CES5A: variants seen among roughly 807,000 people sequenced by gnomAD.
CES5A encodes carboxylesterase 5A.
In CES5A, 67 loss-of-function variants were observed where a neutral mutation model predicts 62.9. That is an observed-to-expected ratio of 1.07 (90% CI 0.88 to 1.31). The LOEUF is 1.31. Ranked by LOEUF, CES5A falls within the 50% of genes most tolerant of loss-of-function variation. CES5A has a pLI of 0.00. For synonymous variants in CES5A, 296 were observed against 280.8 expected (o/e 1.05, Z -0.54); for missense variants, 748 against 708.5 (o/e 1.06, Z -0.63).
At chr16:55,877,433 T>C (rs2033710789), upstream of CES5A, among the ~76,000 whole-genome samples, 1 of 144,798 alleles carries the variant, frequency 6.9e-6, no homozygotes, top group Non-Finnish European at 1.5e-5. Context: ...TATATATATA[T>C]GTGTGTGTGT....
intron 8 of CES5A, among the ~76,000 whole-genome samples, 170 bp downstream of exon 8, chr16:55,859,377 C>T (rs569329666): frequency 1.3e-5 from 2 of 152,230 alleles, no homozygotes; most frequent in East Asian, 1.9e-4. Context: ...GTGACTGTCC[C>T]GGTCCTCACT....
intron 1 of CES5A, among the ~76,000 whole-genome samples, chr16:55,950,840 A>T (rs3848306): frequency 1.3e-5 from 2 of 151,602 alleles, no homozygotes; most frequent in Admixed American, 6.6e-5. Flanking sequence ...GGGTGGCTCA[A>T]GCCTGTAATC....
chr16:55,889,279 TCTGACA>T (rs2142431297), intron 1 of CES5A, among the ~76,000 whole-genome samples: 1 of 152,286 alleles, frequency 6.6e-6, no homozygotes, highest in South Asian at 2.1e-4. Context: ...GCAATTCAGT[TCTGACA>T]CTATCTACCT....
chr16:55,864,211 A>T (rs2033410992), intron 5 of CES5A, among the ~76,000 whole-genome samples: 1 of 152,218 alleles, frequency 6.6e-6, no homozygotes, highest in African/African-American at 2.4e-5. Context: ...TTGTTATAAT[A>T]TATGAAAAGT....
chr16:55,906,460 T>C (rs2034040810), intron 1 of CES5A, among the ~76,000 whole-genome samples: 1 of 152,218 alleles, frequency 6.6e-6, no homozygotes, highest in African/African-American at 2.4e-5. Flanking sequence ...CAGTGAATAC[T>C]TATTGAATCC....
intron 1 of CES5A, among the ~76,000 whole-genome samples, chr16:55,884,969 A>G (rs1385258701): frequency 6.6e-6 from 1 of 152,112 alleles, no homozygotes; most frequent in African/African-American, 2.4e-5. Flanking sequence ...CTATAGTCCA[A>G]CTGTGTCTGC....
chr16:55,947,953 G>T (rs1478271410), intron 2 of CES5A, among the ~76,000 whole-genome samples: 1 of 152,078 alleles, frequency 6.6e-6, no homozygotes, highest in African/African-American at 2.4e-5. Context: ...GGAGACACAC[G>T]AATGGACTTT....
intron 1 of CES5A, among the ~76,000 whole-genome samples, chr16:55,923,832 T>C (rs538196722): frequency 1.8e-4 from 28 of 152,046 alleles, no homozygotes; most frequent in African/African-American, 6.0e-4. Flanking sequence ...CTTATCTCAA[T>C]AGATGTCAAA....
chr16:55,867,844 G>A (rs1430563755), intron 4 of CES5A, among the ~76,000 whole-genome samples: 5 of 152,190 alleles, frequency 3.3e-5, no homozygotes, highest in Non-Finnish European at 5.9e-5. Context: ...ACAGTGCCAG[G>A]CAGAAAATAA....
chr16:55,926,916 C>A (rs1415352026), upstream of CES5A, among the ~76,000 whole-genome samples: 28 of 152,158 alleles, frequency 1.8e-4, 1 homozygote, highest in Admixed American at 1.8e-3. Context: ...TGTGCATTGT[C>A]TTTAGAATTG....
At chr16:55,894,866 A>G (rs2033916081) in intron 1 of CES5A, among the ~76,000 whole-genome samples, 1 of 151,956 alleles carries the variant, frequency 6.6e-6, no homozygotes, top group Admixed American at 6.6e-5. Flanking sequence ...ATCCCAGTGG[A>G]AAAAAGAGTC....
intron 1 of CES5A, among the ~76,000 whole-genome samples, chr16:55,890,953 T>G (rs2033869973): frequency 6.6e-6 from 1 of 152,144 alleles, no homozygotes; most frequent in East Asian, 1.9e-4. Flanking sequence ...CTTAACTTCC[T>G]CCTAAAGCAA....
intron 1 of CES5A, among the ~76,000 whole-genome samples, chr16:55,954,290 A>G (rs1173741244): frequency 4.6e-5 from 7 of 152,228 alleles, no homozygotes; most frequent in African/African-American, 1.7e-4. Flanking sequence ...GCAATTAAGA[A>G]AATAACTTTT....
intron 11 of CES5A, 32 bp from the exon 12 acceptor site, chr16:55,846,872 C>T: frequency 6.3e-7 from 1 of 1,596,632 alleles, no homozygotes; most frequent in Non-Finnish European, 8.6e-7. Flanking sequence ...TGCTGCTGCT[C>T]TGGGTGAGGC....
intron 4 of CES5A, among the ~76,000 whole-genome samples, chr16:55,867,527 A>G (rs1262420469): frequency 6.6e-6 from 1 of 152,020 alleles, no homozygotes; most frequent in Non-Finnish European, 1.5e-5. Context: ...TCCACTGTCT[A>G]TGACCACTGA....
intron 2 of CES5A, among the ~76,000 whole-genome samples, chr16:55,933,531 T>A (rs1219646192): frequency 6.6e-6 from 1 of 152,190 alleles, no homozygotes; most frequent in East Asian, 1.9e-4. Context: ...TTCCTCCATC[T>A]TAGTTGGTGA....
intron 1 of CES5A, among the ~76,000 whole-genome samples, chr16:55,885,101 C>T (rs534652847): frequency 8.5e-5 from 13 of 152,304 alleles, no homozygotes; most frequent in Non-Finnish European, 1.5e-4. Context: ...CTGCAGTGTG[C>T]AGCTTAGCCA....
rs1176728741 is a variant in CES5A, at chr16:55,946,653, T to C, written c.160+3132A>G. Among the ~76,000 whole-genome samples, 33 of 152,184 alleles carry C rather than the reference T, an allele frequency of 2.2e-4. 1 individual carries two copies. The highest frequency in any genetic ancestry group is 1.9e-3 in the Admixed American group (29 of 15,282). On this transcript the variant is annotated intron_variant, in intron 2 of 13. Transcript: ENST00000521992. The stretch of plus-strand genomic sequence containing the variant: ...GTACCTTGGGTTGAGTTTTGGAAGA[T>C]TGGTGTATCAGTCAGCTATTGCCAT...
chr16:55,905,827 C>T (rs1002558159), intron 1 of CES5A, among the ~76,000 whole-genome samples: 4 of 152,092 alleles, frequency 2.6e-5, no homozygotes, highest in African/African-American at 9.7e-5. Context: ...AAACTATACG[C>T]GCAATGGAGA....
Sources: allele counts gnomAD v4.1 joint callset (sites outside exome capture counted in the v4.1 genomes callset), GRCh38; gene constraint gnomAD v4.1.1; transcripts MANE v1.5; gene names NCBI Gene and HGNC (gene_info 2026-07-23, HGNC 2026-07-21).